The following ZFPM2 variants were observed in gnomAD, a reference collection of about 807,000 sequenced individuals.
ZFPM2 encodes the protein zinc finger protein, FOG family member 2.
ZFPM2 carries 20 observed loss-of-function variants against 98.6 expected under a neutral mutation model. That is an observed-to-expected ratio of 0.20 (90% CI 0.14 to 0.29). The LOEUF is 0.29. Ranked by LOEUF, ZFPM2 falls within the 10% of genes least tolerant of loss-of-function variation. ZFPM2 has a pLI of 1.00. For synonymous variants in ZFPM2, 518 were observed against 502.7 expected (o/e 1.03, Z -0.41); for missense variants, 1,310 against 1,388.6 (o/e 0.94, Z 0.90).
At chr8:105,348,314 C>A (rs568209687) in intron 1 of ZFPM2, among the ~76,000 whole-genome samples, 6 of 152,286 alleles carry the variant, frequency 3.9e-5, no homozygotes, top group South Asian at 2.1e-4. Flanking sequence ...CAGAGACTTA[C>A]AATCTACCAT....
At chr8:105,728,562 C>T (rs1026234577) in intron 5 of ZFPM2, among the ~76,000 whole-genome samples, 6 of 151,650 alleles carry the variant, frequency 4.0e-5, no homozygotes, top group Admixed American at 4.0e-4. Context: ...TTGGTCAAAG[C>T]GAATACCCTG....
chr8:105,502,242 G>A (rs1459673801), intron 3 of ZFPM2, among the ~76,000 whole-genome samples: 2 of 151,978 alleles, frequency 1.3e-5, no homozygotes, highest in African/African-American at 4.8e-5. Flanking sequence ...ATTGAAGAAA[G>A]GTTCAGTTTA....
chr8:105,417,063 C>G (rs1016892697), intron 1 of ZFPM2, among the ~76,000 whole-genome samples: 2 of 150,136 alleles, frequency 1.3e-5, no homozygotes, highest in African/African-American at 4.8e-5. Context: ...GTGGGAGGAT[C>G]ACTTAAGCCC....
At chr8:105,561,964 TCTA>T (rs201913829) in intron 4 of ZFPM2, among the ~76,000 whole-genome samples, 1,632 of 152,232 alleles carry the variant, frequency 0.011, 18 homozygotes, top group Middle Eastern at 0.02. Flanking sequence ...GAACAGAAAG[TCTA>T]TCTCTTGCCA....
chr8:105,431,424 A>C lies in ZFPM2; in HGVS notation c.199+12122A>C, dbSNP rs73302144. 5.7e-3 allele frequency among the ~76,000 whole-genome samples: 867 copies of C among 152,354 alleles called. 4 individuals carry two copies. The highest frequency in any genetic ancestry group is 0.02 in the African/African-American group (815 of 41,582). ...TCAACATTCATGCGTTAGCTAATCC[A>C]GTAAATATTTATTGAACACCTGCTA... On this transcript the variant is annotated intron_variant, in intron 2 of 7. Transcript: ENST00000407775.
intron 4 of ZFPM2, among the ~76,000 whole-genome samples, chr8:105,561,968 T>C (rs1815148193): frequency 6.7e-6 from 1 of 148,876 alleles, no homozygotes; most frequent in Non-Finnish European, 1.5e-5. Flanking sequence ...AGAAAGTCTA[T>C]CTCTTGCCAT....
In ZFPM2 at chr8:105,503,491, C is replaced by A. The variant is rs1586421088; in HGVS notation, c.302-57872C>A. 3.3e-5 allele frequency among the ~76,000 whole-genome samples: 5 copies of A among 152,050 alleles called. No individual in the cohort carries two copies. In the South Asian group the frequency reaches 1.0e-3, roughly 32 times the overall value. On this transcript the variant is annotated intron_variant, in intron 3 of 7. Transcript: ENST00000407775. Reference sequence around the variant, plus strand: ...TGGGAAAATAGTCTATGGAAAAAAACAAGATAAAGACCATGGGAATGAGAC... The same window carrying A: ...TGGGAAAATAGTCTATGGAAAAAAAAAAGATAAAGACCATGGGAATGAGAC...
Position 105,727,088 on chromosome 8 carries a change from G to A in ZFPM2, c.533-61630G>A, listed in dbSNP as rs537590974. Among the ~76,000 whole-genome samples the A allele has an allele frequency of 1.5e-4, 23 of 151,710 alleles. No individual in the cohort carries two copies. The South Asian group carries it at 4.6e-3, about 30-fold the overall frequency. On this transcript the variant is annotated intron_variant, in intron 5 of 7. Coordinates refer to ENST00000407775, the MANE Select transcript of ZFPM2 (RefSeq NM_012082.4). Reference sequence around the variant, plus strand: ...GTTGAATCATCATTATGAGGAGCCTGTCTTAGAGTATTTATGTTTTAAAAC... The same window carrying A: ...GTTGAATCATCATTATGAGGAGCCTATCTTAGAGTATTTATGTTTTAAAAC...
At chr8:105,677,495 A>G (rs973653550) in intron 5 of ZFPM2, among the ~76,000 whole-genome samples, 10 of 152,164 alleles carry the variant, frequency 6.6e-5, no homozygotes, top group Middle Eastern at 3.4e-3. Context: ...AAATTAAACA[A>G]TTCTCTTCAA....
chr8:105,429,572 A>G (rs1171515531), intron 2 of ZFPM2, among the ~76,000 whole-genome samples: 1 of 151,848 alleles, frequency 6.6e-6, no homozygotes, highest in Non-Finnish European at 1.5e-5. Context: ...ACCAGCACGC[A>G]TCTGCCTCAT....
intron 3 of ZFPM2, among the ~76,000 whole-genome samples, chr8:105,462,387 T>G (rs1257537833): frequency 6.6e-6 from 1 of 152,024 alleles, no homozygotes; most frequent in Non-Finnish European, 1.5e-5. Context: ...AGGCCTGACC[T>G]TACTGCTTCC....
At chr8:105,441,482 G>GGA (rs1812245487) in intron 2 of ZFPM2, among the ~76,000 whole-genome samples, 1 of 85,404 alleles carries the variant, frequency 1.2e-5, no homozygotes, top group Non-Finnish European at 2.0e-5. Flanking sequence ...AAGAAAGAAA[G>GGA]AAAGAAAGAA....
chr8:105,573,331 C>A lies in ZFPM2; in HGVS notation c.420+11850C>A, dbSNP rs1271141943. Among the ~76,000 whole-genome samples the A allele has an allele frequency of 5.3e-5, 8 of 152,240 alleles. No individual in the cohort carries two copies. In the East Asian group the frequency reaches 1.5e-3, roughly 29 times the overall value. The stretch of plus-strand genomic sequence containing the variant: ...GAAGGGAATTGTGCAGAGCTTGAAA[C>A]CAGAAGGCTGGGATGACTGGGGGCC... On this transcript the variant is annotated intron_variant, in intron 4 of 7. Transcript: ENST00000407775.
At chr8:105,682,183 T>A (rs1304706171) in intron 5 of ZFPM2, among the ~76,000 whole-genome samples, 2 of 152,146 alleles carry the variant, frequency 1.3e-5, no homozygotes, top group African/African-American at 4.8e-5. Flanking sequence ...CACTCTGTAA[T>A]AAGTATCATG....
chr8:105,718,226 G>A (rs1324289642), intron 5 of ZFPM2, among the ~76,000 whole-genome samples: 2 of 151,818 alleles, frequency 1.3e-5, no homozygotes, highest in Non-Finnish European at 2.9e-5. Flanking sequence ...GCTCACTCTG[G>A]CTCTTATATC....
chr8:105,731,652 T>C (rs1488608598), intron 5 of ZFPM2, among the ~76,000 whole-genome samples: 1 of 151,638 alleles, frequency 6.6e-6, no homozygotes, highest in East Asian at 2.0e-4. Flanking sequence ...AGGGGGAGCT[T>C]CAACCTCCAA....
Position 105,722,508 on chromosome 8 carries a change from C to A in ZFPM2, c.533-66210C>A, listed in dbSNP as rs573148374. ...AACCTACTATTGACCAAAAACCTGA[C>A]CAATGACATAAATAATTGATTAACA... On this transcript the variant is annotated intron_variant, in intron 5 of 7. Coordinates refer to ENST00000407775, the MANE Select transcript of ZFPM2 (RefSeq NM_012082.4). Among the ~76,000 whole-genome samples, 3 of 151,870 alleles carry A rather than the reference C, an allele frequency of 2.0e-5. No individual in the cohort carries two copies. The East Asian group carries it at 5.9e-4, about 30-fold the overall frequency.
intron 3 of ZFPM2, among the ~76,000 whole-genome samples, chr8:105,476,197 A>G (rs1813009167): frequency 1.3e-5 from 2 of 152,190 alleles, no homozygotes; most frequent in African/African-American, 4.8e-5. Flanking sequence ...CCCGTAGTCC[A>G]CTGGAACAGG....
At chr8:105,593,463 A>C (rs1279753999) in intron 4 of ZFPM2, among the ~76,000 whole-genome samples, 1 of 152,112 alleles carries the variant, frequency 6.6e-6, no homozygotes, top group African/African-American at 2.4e-5. Flanking sequence ...AGCAGTTATA[A>C]ATGAAAAATA....
Sources: allele counts gnomAD v4.1 joint callset (sites outside exome capture counted in the v4.1 genomes callset), GRCh38; gene constraint gnomAD v4.1.1; transcripts MANE v1.5; gene names NCBI Gene and HGNC (gene_info 2026-07-23, HGNC 2026-07-21).